Variants in RGS6 observed in about 807,000 individuals in gnomAD.
RGS6 encodes the protein regulator of G-protein signaling 6.
A neutral mutation model predicts 78.5 loss-of-function variants in RGS6; 30 were observed. That is an observed-to-expected ratio of 0.38 (90% confidence interval 0.29 to 0.52). RGS6 has a LOEUF of 0.52. Among genes scored for constraint, RGS6 ranks in the 20% least tolerant of loss-of-function variants. The pLI is 0.85. For missense variants in RGS6, 495 were observed against 609.7 expected, an observed-to-expected ratio of 0.81 and a Z score of 1.98; for synonymous variants, 206 against 206.0, an observed-to-expected ratio of 1.00 and a Z score of 0.00.
At chr14:72,436,642 C>G (rs760696453) in intron 3 of RGS6, among the ~76,000 whole-genome samples, 14 of 152,130 alleles carry the variant, frequency 9.2e-5, no homozygotes, top group Non-Finnish European at 7.3e-5. Flanking sequence ...AAAATGTGGT[C>G]ATTTCCTCTT....
rs116090714 is a variant in RGS6, at chr14:72,563,836, T to G, written c.*1369T>G. 1.2e-3 allele frequency: 190 copies of G among 152,190 alleles called. No homozygotes were observed. The highest frequency in any genetic ancestry group is 4.6e-3 in the African/African-American group (189 of 41,504). 9.4% of individuals were successfully genotyped at this position (152,190 alleles called of 1,614,324 possible). On this transcript the variant is annotated 3_prime_UTR_variant, in exon 18 of 18. Transcript: ENST00000553525. Reference sequence around the variant, plus strand: ...GCTGTATTAAGTAACCTGTTTTGAATCCAGACATTCACTCCCCCACTTGCT... The same window carrying G: ...GCTGTATTAAGTAACCTGTTTTGAAGCCAGACATTCACTCCCCCACTTGCT...
the RGS6 span, among the ~76,000 whole-genome samples, chr14:71,891,300 G>A: frequency 2.0e-5 from 3 of 152,186 alleles, no homozygotes; most frequent in South Asian, 2.1e-4. Flanking sequence ...CTTAGTTGCC[G>A]TCAGGTGTCT....
chr14:72,015,640 A>G (rs1006164177), intron 2 of RGS6, among the ~76,000 whole-genome samples: 4 of 152,192 alleles, frequency 2.6e-5, no homozygotes, highest in Non-Finnish European at 4.4e-5. Flanking sequence ...TAGGTTCTAG[A>G]ACGTGCACAT....
intron 12 of RGS6, among the ~76,000 whole-genome samples, chr14:72,491,531 T>C (rs1248200910): frequency 1.3e-5 from 2 of 152,316 alleles, no homozygotes; most frequent in Non-Finnish European, 2.9e-5. Flanking sequence ...TTTCAACACA[T>C]TTGTCCAAGA....
chr14:72,535,665 C>T (rs2097240735), intron 15 of RGS6, among the ~76,000 whole-genome samples: 1 of 152,224 alleles, frequency 6.6e-6, no homozygotes, highest in Admixed American at 6.5e-5. Flanking sequence ...AAAGATCCTT[C>T]CTGTTGCCTT....
At chr14:72,540,601 G>A in intron 17 of RGS6, 1 of 1,488,426 alleles carries the variant, frequency 6.7e-7, no homozygotes, top group Non-Finnish European at 9.0e-7. Context: ...GCAGAAAGCG[G>A]CCGTGCTGCA....
At chr14:72,450,802 G>A (rs2095473766) in intron 3 of RGS6, among the ~76,000 whole-genome samples, 1 of 152,234 alleles carries the variant, frequency 6.6e-6, no homozygotes, top group Admixed American at 6.5e-5. Context: ...AAAGAGGCAA[G>A]AAAGGAAAGT....
chr14:72,383,849 A>C (rs901197066), intron 3 of RGS6, among the ~76,000 whole-genome samples: 2 of 152,232 alleles, frequency 1.3e-5, no homozygotes, highest in South Asian at 4.2e-4. Context: ...AACTGAACAA[A>C]ATTTGATCTG....
At chr14:72,161,735 C>T (rs1305710563) in intron 2 of RGS6, among the ~76,000 whole-genome samples, 2 of 152,218 alleles carry the variant, frequency 1.3e-5, no homozygotes, top group Admixed American at 6.5e-5. Flanking sequence ...AGTAACAATG[C>T]CTTTCATGTC....
chr14:71,923,405 A>C, the RGS6 span, among the ~76,000 whole-genome samples: 1 of 152,178 alleles, frequency 6.6e-6, no homozygotes, highest in Non-Finnish European at 1.5e-5. Context: ...TAGTTATCAA[A>C]AGAAGCCTGG....
intron 2 of RGS6, among the ~76,000 whole-genome samples, chr14:72,252,441 G>A (rs1033847927): frequency 3.9e-5 from 6 of 152,176 alleles, no homozygotes; most frequent in African/African-American, 1.4e-4. Context: ...AGTGAATTTA[G>A]TGCTGATCCC....
chr14:72,215,869 G>C (rs2045439310), intron 2 of RGS6, among the ~76,000 whole-genome samples: 1 of 152,130 alleles, frequency 6.6e-6, no homozygotes, highest in Admixed American at 6.5e-5. Context: ...TGTTAGCACA[G>C]GTCTTTGAAT....
At chr14:72,280,242 A>G (rs987476031) in intron 2 of RGS6, among the ~76,000 whole-genome samples, 4 of 152,094 alleles carry the variant, frequency 2.6e-5, no homozygotes, top group African/African-American at 9.7e-5. Context: ...TTGAAGTATT[A>G]CCATAAGCAT....
Position 71,972,007 on chromosome 14 carries a change from AT to A in RGS6, c.84+7139del, listed in dbSNP as rs551952987. On this transcript the variant is annotated intron_variant, in intron 2 of 17. Coordinates refer to ENST00000553525, the MANE Select transcript of RGS6 (RefSeq NM_001204424.2). ...AGTGTTTTATAACCTAATTTTGGAC[AT>A]TTTTTTCTTTATTATACTTTAAGTT... 2.5e-3 allele frequency among the ~76,000 whole-genome samples: 355 copies of A among 142,988 alleles called. 1 individual carries two copies. The highest frequency in any genetic ancestry group is 8.4e-3 in the African/African-American group (321 of 38,086). The allele number at this position is 142,988 out of a possible 152,430, so 93.8% of individuals were successfully genotyped here. A position where few individuals can be genotyped will look rare whatever the true frequency, so the allele number is the denominator to read the frequency against.
chr14:71,894,295 G>T, the RGS6 span, among the ~76,000 whole-genome samples: 1 of 152,068 alleles, frequency 6.6e-6, no homozygotes, highest in African/African-American at 2.4e-5. Flanking sequence ...CCCAGACTTG[G>T]GAGCATCCAG....
At chr14:72,047,882 T>C (rs181452394) in intron 2 of RGS6, among the ~76,000 whole-genome samples, 3 of 146,912 alleles carry the variant, frequency 2.0e-5, no homozygotes, top group South Asian at 4.4e-4. Context: ...TGTGCCACTA[T>C]GCCCAGCTAA....
At chr14:71,955,185 G>A (rs937660173) in intron 1 of RGS6, among the ~76,000 whole-genome samples, 1 of 152,134 alleles carries the variant, frequency 6.6e-6, no homozygotes, top group Non-Finnish European at 1.5e-5. Flanking sequence ...TATTCCTCAG[G>A]GACGCTGTGT....
intron 2 of RGS6, among the ~76,000 whole-genome samples, chr14:72,265,538 G>A (rs912667460): frequency 6.6e-6 from 1 of 152,122 alleles, no homozygotes; most frequent in Admixed American, 6.6e-5. Flanking sequence ...CATTAGTAGT[G>A]ACGTTGCTAG....
chr14:72,259,753 A>C (rs1159432632), intron 2 of RGS6, among the ~76,000 whole-genome samples: 4 of 150,148 alleles, frequency 2.7e-5, no homozygotes, highest in Non-Finnish European at 5.9e-5. Context: ...TAAAAATACA[A>C]AAAAAAAATT....
Sources: allele counts gnomAD v4.1 joint callset (sites outside exome capture counted in the v4.1 genomes callset), GRCh38; gene constraint gnomAD v4.1.1; transcripts MANE v1.5; gene names NCBI Gene and HGNC (gene_info 2026-07-23, HGNC 2026-07-21).